FAM107B: variants seen among roughly 807,000 people sequenced by gnomAD.
FAM107B encodes protein FAM107B.
Under a neutral mutation model 31.5 loss-of-function variants are expected in FAM107B, and 21 were observed. The ratio of observed to expected loss-of-function variants is 0.67; its 90% CI spans 0.47 to 0.96. The LOEUF (loss-of-function observed/expected upper bound fraction) is 0.96. FAM107B is among the 40% of genes least tolerant of loss of function. The pLI, the probability that FAM107B is intolerant of heterozygous loss-of-function variation, is 0.00. For synonymous variants in FAM107B, 157 were observed against 141.5 expected (o/e 1.11, Z -0.78); for missense variants, 452 against 377.1 (o/e 1.20, Z -1.64).
At chr10:14,591,895 A>G (rs1321094691) in intron 2 of FAM107B, among the ~76,000 whole-genome samples, 4 of 152,188 alleles carry the variant, frequency 2.6e-5, no homozygotes, top group Non-Finnish European at 4.4e-5. Context: ...AATGTGGAAC[A>G]TTCTACGGAA....
chr10:14,731,453 T>A (rs1005995857), intron 1 of FAM107B, among the ~76,000 whole-genome samples: 9 of 152,024 alleles, frequency 5.9e-5, no homozygotes, highest in Non-Finnish European at 1.3e-4. Context: ...TCCCAGCTAC[T>A]TGGAAGGCTG....
chr10:14,677,463 T>C (rs1854712380), intron 1 of FAM107B, among the ~76,000 whole-genome samples: 1 of 151,798 alleles, frequency 6.6e-6, no homozygotes, highest in South Asian at 2.1e-4. Context: ...CCACTAAAAA[T>C]ACAAAAAATT....
chr10:14,769,416 A>G (rs1833251556), intron 1 of FAM107B, among the ~76,000 whole-genome samples: 1 of 152,046 alleles, frequency 6.6e-6, no homozygotes, highest in African/African-American at 2.4e-5. Flanking sequence ...ACGGAGTCTC[A>G]TTCTGTCACC....
At chr10:14,726,992 G>A (rs1289869647) in intron 1 of FAM107B, among the ~76,000 whole-genome samples, 2 of 151,936 alleles carry the variant, frequency 1.3e-5, no homozygotes, top group East Asian at 1.9e-4. Context: ...GGTCCCATTT[G>A]GGGGTGATGG....
chr10:14,591,818 C>T (rs563245469), intron 2 of FAM107B, among the ~76,000 whole-genome samples: 1 of 152,116 alleles, frequency 6.6e-6, no homozygotes, highest in South Asian at 2.1e-4. Flanking sequence ...TTCATGATAA[C>T]TTCCAGTTTA....
intron 1 of FAM107B, among the ~76,000 whole-genome samples, chr10:14,739,058 G>A (rs1365149823): frequency 6.6e-6 from 1 of 152,148 alleles, no homozygotes; most frequent in African/African-American, 2.4e-5. Context: ...TCCCAGCTTG[G>A]TGGTCTCAGG....
intron 1 of FAM107B, among the ~76,000 whole-genome samples, chr10:14,680,721 A>G (rs11259266): frequency 0.14 from 21,109 of 152,098 alleles, 1,772 homozygotes; most frequent in South Asian, 0.29. Context: ...GGAATTAGAC[A>G]TGAGGGAGTA....
intron 2 of FAM107B, among the ~76,000 whole-genome samples, chr10:14,550,355 C>A (rs951972431): frequency 6.6e-6 from 1 of 152,222 alleles, no homozygotes. Context: ...GTCTGCAGCT[C>A]TAGTCCTCGG....
intron 1 of FAM107B, among the ~76,000 whole-genome samples, chr10:14,754,186 G>A (rs186813794): frequency 7.2e-5 from 11 of 152,232 alleles, no homozygotes; most frequent in South Asian, 4.1e-4. Context: ...TGATCCACCC[G>A]TGTCAGCCTC....
chr10:14,718,258 C>T (rs940287819), intron 1 of FAM107B, among the ~76,000 whole-genome samples: 11 of 151,702 alleles, frequency 7.3e-5, no homozygotes, highest in African/African-American at 9.7e-5. Flanking sequence ...ACCTGGGAGG[C>T]GGAGGTTGCA....
intron 2 of FAM107B, among the ~76,000 whole-genome samples, chr10:14,568,212 G>A (rs1331485602): frequency 6.6e-6 from 1 of 152,224 alleles, no homozygotes; most frequent in Non-Finnish European, 1.5e-5. Context: ...AGGAACCTAA[G>A]CCCTGCCTCC....
chr10:14,715,546 G>C (rs1452014412), intron 1 of FAM107B, among the ~76,000 whole-genome samples: 2 of 152,208 alleles, frequency 1.3e-5, no homozygotes, highest in Non-Finnish European at 2.9e-5. Context: ...GGTGAAACAT[G>C]ATTTCTGGCC....
intron 2 of FAM107B, among the ~76,000 whole-genome samples, chr10:14,616,825 T>A (rs1852864174): frequency 6.6e-6 from 1 of 151,958 alleles, no homozygotes; most frequent in South Asian, 2.1e-4. Flanking sequence ...CTTCAGAGGC[T>A]GAGGTGGGAG....
chr10:14,633,787 A>C (rs1173796813), intron 2 of FAM107B, among the ~76,000 whole-genome samples: 2 of 152,238 alleles, frequency 1.3e-5, no homozygotes, highest in East Asian at 3.8e-4. Context: ...GCTAGAGAAG[A>C]TATTGATTCA....
chr10:14,655,714 G>C (rs1165631738), intron 2 of FAM107B, among the ~76,000 whole-genome samples: 3 of 152,230 alleles, frequency 2.0e-5, no homozygotes, highest in African/African-American at 4.8e-5. Context: ...GGGAAGCCGG[G>C]ACAGGGGAGG....
chr10:14,672,383 C>T (rs952620018), intron 1 of FAM107B, among the ~76,000 whole-genome samples: 2 of 152,154 alleles, frequency 1.3e-5, no homozygotes, highest in South Asian at 2.1e-4. Flanking sequence ...CCACTGTGCC[C>T]GGCCCCATCA....
intron 2 of FAM107B, among the ~76,000 whole-genome samples, chr10:14,632,861 T>C (rs1188699983): frequency 6.6e-6 from 1 of 151,820 alleles, no homozygotes; most frequent in East Asian, 1.9e-4. Context: ...GGTTCAGAGA[T>C]GAGGCTGGAG....
rs1231520077 is a variant in FAM107B, at chr10:14,726,165, G to A, written c.411+48088C>T. Among the ~76,000 whole-genome samples, 5 of 152,248 alleles carry A rather than the reference G, an allele frequency of 3.3e-5. No homozygotes were observed. The South Asian group carries it at 8.3e-4, about 25-fold the overall frequency. ...TGCACCACCACACCTGGCTAATTTT[G>A]TATTTTTAGTAGAGACAGGGTTTTG... On this transcript the variant is annotated intron_variant, in intron 1 of 4. Transcript: ENST00000181796.
At chr10:14,570,834 T>C (rs987852045) in intron 2 of FAM107B, among the ~76,000 whole-genome samples, 8 of 147,590 alleles carry the variant, frequency 5.4e-5, no homozygotes, top group African/African-American at 7.4e-5. Flanking sequence ...ACTCAGCACA[T>C]ATCAGTGTTT....
Sources: gnomAD v4.1 joint callset for allele counts (sites outside exome capture counted in the v4.1 genomes callset) on GRCh38, gnomAD v4.1.1 for gene constraint, MANE v1.5 for transcripts, NCBI Gene and HGNC (gene_info 2026-07-23, HGNC 2026-07-21) for gene names.